ZC3HAV1: variants seen among roughly 807,000 people sequenced by gnomAD.
The protein encoded by ZC3HAV1 is zinc finger CCCH-type antiviral protein 1.
ZC3HAV1 carries 41 observed loss-of-function variants against 86.6 expected under a neutral mutation model. That is an observed-to-expected ratio of 0.47 (90% CI 0.37 to 0.61). The LOEUF (loss-of-function observed/expected upper bound fraction) is 0.61. ZC3HAV1 is among the 20% of genes least tolerant of loss of function. The pLI, the probability that ZC3HAV1 is intolerant of heterozygous loss-of-function variation, is 0.00. For synonymous variants in ZC3HAV1, 421 were observed against 432.1 expected, an observed-to-expected ratio of 0.97 and a Z score of 0.32; for missense variants, 964 against 1,141.1, an observed-to-expected ratio of 0.84 and a Z score of 2.24.
In ZC3HAV1 at chr7:139,053,595, T is replaced by G; in HGVS notation, c.2319-14A>C. On this transcript the variant is annotated splice_polypyrimidine_tract_variant and intron_variant, in intron 11 of 12. Transcript: ENST00000242351. ...TGCGATTTCTTCCTAATATAAGAGATGTGAGACTTAACACGGAGACATCCC... is the reference window on the plus strand; with the variant it reads ...TGCGATTTCTTCCTAATATAAGAGAGGTGAGACTTAACACGGAGACATCCC... 1 of 1,579,366 alleles carries G rather than the reference T, an allele frequency of 6.3e-7. No homozygotes were observed. Among genetic ancestry groups the G allele is most frequent in the Non-Finnish European group, 8.6e-7 (1 of 1,165,762 alleles).
intron 7 of ZC3HAV1, among the ~76,000 whole-genome samples, chr7:139,068,137 G>C (rs543441775): frequency 1.9e-4 from 29 of 151,164 alleles, no homozygotes; most frequent in African/African-American, 6.6e-4. Context: ...TCAGCTCACT[G>C]CAACCCCCAC....
At chr7:139,086,899 GCAGAACTGTAAGC>G (rs1817286660) in intron 2 of ZC3HAV1, among the ~76,000 whole-genome samples, 1 of 152,212 alleles carries the variant, frequency 6.6e-6, no homozygotes, top group African/African-American at 2.4e-5. Context: ...TCCCAGCCAT[GCAGAACTGTAAGC>G]CAATTAAACC....
intron 3 of ZC3HAV1, among the ~76,000 whole-genome samples, chr7:139,082,094 G>A (rs370585447): frequency 1.0e-3 from 159 of 152,152 alleles, no homozygotes; most frequent in African/African-American, 3.8e-3. Flanking sequence ...ATGAAAACCC[G>A]TCTCTACTAA....
Position 139,083,731 on chromosome 7 carries a change from A to AAG in ZC3HAV1, c.697+48_697+49insCT, listed in dbSNP as rs779472786. 4.2e-6 allele frequency: 6 copies of AAG among 1,414,804 alleles called. No individual in the cohort carries two copies. In the East Asian group the frequency reaches 1.4e-4, roughly 34 times the overall value. The allele number at this position is 1,414,804 out of a possible 1,614,324, so 87.6% of individuals were successfully genotyped here. ...GACAGAGAGAGACTCTGTCTCAAAA[A>AAG]AAAAAAAAAAAAAAGAGTTCACACA... is the stretch of plus-strand genomic sequence containing the variant. On this transcript the variant is annotated intron_variant, in intron 3 of 12. Coordinates refer to ENST00000242351, the MANE Select transcript of ZC3HAV1 (RefSeq NM_020119.4).
rs7811787 is a variant in ZC3HAV1, at chr7:139,096,261, G to A, written c.309-6502C>T. 6.9e-3 allele frequency among the ~76,000 whole-genome samples: 1,050 copies of A among 152,168 alleles called. 15 individuals are homozygous for A. Among genetic ancestry groups the A allele is most frequent in the African/African-American group, 0.024 (999 of 41,506 alleles). The stretch of plus-strand genomic sequence containing the variant: ...ACTCCTGACCTCAGGTGATCCACCC[G>A]TCTCAGCCTCCCAAAGTGCTGGGAT... On this transcript the variant is annotated intron_variant, in intron 1 of 12. Transcript: ENST00000242351.
chr7:139,098,164 T>A (rs1817660412), intron 1 of ZC3HAV1, among the ~76,000 whole-genome samples: 1 of 152,006 alleles, frequency 6.6e-6, no homozygotes, highest in African/African-American at 2.4e-5. Context: ...CTGGTGAAAT[T>A]CCTGACCTCA....
At chr7:139,062,299 C>A (rs1283072307) in intron 8 of ZC3HAV1, among the ~76,000 whole-genome samples, 1 of 152,154 alleles carries the variant, frequency 6.6e-6, no homozygotes, top group African/African-American at 2.4e-5. Context: ...TTCCCGGGAC[C>A]TCCGCCTAAT....
Position 139,079,841 on chromosome 7 carries a change from T to C in ZC3HAV1, c.1100A>G (p.Asn367Ser), listed in dbSNP as rs746031366. 1.2e-6 allele frequency: 2 copies of C among 1,614,158 alleles called. No individual in the cohort carries two copies. Among genetic ancestry groups the C allele is most frequent in the Non-Finnish European group, 1.7e-6 (2 of 1,180,032 alleles). The change falls in exon 4 of 13, where the codon AAT becomes AGT. Residue 367 changes from asparagine to serine, a missense_variant. Physicochemically the swap from Asn to Ser is conservative, Grantham distance 46 (BLOSUM62 1). Transcript: ENST00000242351. The stretch of plus-strand genomic sequence containing the variant: ...AGTCTTTCTCCTGGCGCCTTGGTCA[T>C]TCGTCCAGGATGTGAGGCTCTTCCA... Reference protein sequence around the residue: ...PNWKSLTSWTNDQGARRKTVF... With the variant: ...PNWKSLTSWTSDQGARRKTVF...
rs1213138196 is a variant in ZC3HAV1, at chr7:139,045,407, T to C, written c.*2187A>G. On this transcript the variant is annotated 3_prime_UTR_variant, in exon 13 of 13. Transcript: ENST00000242351. ...TTTGAACTTTATCCTGAAGACTTGA[T>C]GTGTGTTTTGAATGTGCATTACTAA... The C allele has an allele frequency of 1.3e-5, 2 of 152,212 alleles. No homozygotes were observed. Among genetic ancestry groups the C allele is most frequent in the Non-Finnish European group, 2.9e-5 (2 of 68,044 alleles). 9.4% of individuals were successfully genotyped at this position (152,212 alleles called of 1,614,324 possible).
rs553987082 is a variant in ZC3HAV1 at position 139,064,811 on chromosome 7, C to T, written c.1993+68G>A. 42 of 1,611,306 alleles carry T rather than the reference C, an allele frequency of 2.6e-5. No individual in the cohort carries two copies. In the Admixed American group the frequency reaches 4.8e-4, roughly 19 times the overall value. On this transcript the variant is annotated intron_variant, in intron 8 of 12. Coordinates refer to ENST00000242351, the MANE Select transcript of ZC3HAV1 (RefSeq NM_020119.4). ...CATAGCAATGCATACCCACTCTGCT[C>T]CCACTCCCACGTGTACACTGCAGGC...
chr7:139,108,725 C>A lies in ZC3HAV1; in HGVS notation c.308+299G>T, dbSNP rs1287191844. On this transcript the variant is annotated intron_variant, in intron 1 of 12. Coordinates refer to ENST00000242351, the MANE Select transcript of ZC3HAV1 (RefSeq NM_020119.4). This position sits in a 1 kb window ranked among gnomAD's most constrained non-coding sequence, Gnocchi z 4.2. ...GCTGGCTCCAGAGCACTTTATTCTT[C>A]TGATTCGTGCGGGCGGGCGGGGAAA... Among the ~76,000 whole-genome samples the A allele has an allele frequency of 6.6e-6, 1 of 152,178 alleles. No individual in the cohort carries two copies. Among genetic ancestry groups the A allele is most frequent in the Non-Finnish European group, 1.5e-5 (1 of 68,014 alleles).
At chr7:139,053,619 C>A (rs1216056311) in intron 11 of ZC3HAV1, 38 bp from the exon 12 acceptor site, 1 of 1,535,496 alleles carries the variant, frequency 6.5e-7, no homozygotes, top group Admixed American at 2.2e-5. Flanking sequence ...CGGAGACATC[C>A]CCTTCCCACT....
intron 12 of ZC3HAV1, among the ~76,000 whole-genome samples, chr7:139,052,561 A>T (rs1303980003): frequency 7.0e-6 from 1 of 143,794 alleles, no homozygotes; most frequent in Non-Finnish European, 1.5e-5. Context: ...ACCGAGATCG[A>T]GCCATTGCAC....
At chr7:139,085,445 T>G (rs779093395) in intron 2 of ZC3HAV1, among the ~76,000 whole-genome samples, 7 of 152,176 alleles carry the variant, frequency 4.6e-5, no homozygotes, top group Non-Finnish European at 7.4e-5. Flanking sequence ...CAAAGCAAAA[T>G]GAAAAAGTGT....
chr7:139,058,096 A>G (rs1816339041), intron 9 of ZC3HAV1, among the ~76,000 whole-genome samples: 1 of 151,856 alleles, frequency 6.6e-6, no homozygotes, highest in South Asian at 2.1e-4. Flanking sequence ...TCCTACAGCA[A>G]GTGTGTCTCC....
At chr7:139,057,824 G>C (rs1387647317) in intron 9 of ZC3HAV1, among the ~76,000 whole-genome samples, 1 of 21,542 alleles carries the variant, frequency 4.6e-5, no homozygotes. Flanking sequence ...ACAGACGTGA[G>C]CCACCGCGCC....
chr7:139,098,245 C>T (rs909313354), intron 1 of ZC3HAV1, among the ~76,000 whole-genome samples: 6 of 152,146 alleles, frequency 3.9e-5, no homozygotes, highest in African/African-American at 1.4e-4. Context: ...GGCCTCCATA[C>T]ACTTTAAATG....
At position 139,047,562 on chromosome 7, in the gene ZC3HAV1, A is replaced by G. The variant is rs905971468; in HGVS notation, c.*32T>C. ...AGTTCTGTAAAGGAACAGAATGGTT[A>G]TGGCATCCTTCTGACGCTGTATTCA... On this transcript the variant is annotated 3_prime_UTR_variant, in exon 13 of 13. Coordinates refer to ENST00000242351, the MANE Select transcript of ZC3HAV1 (RefSeq NM_020119.4). The G allele has an allele frequency of 5.0e-6, 8 of 1,612,718 alleles. No individual in the cohort carries two copies. The highest frequency in any genetic ancestry group is 1.3e-5 in the African/African-American group (1 of 74,876).
intron 7 of ZC3HAV1, among the ~76,000 whole-genome samples, chr7:139,068,597 G>C (rs1229799424): frequency 1.3e-5 from 2 of 152,202 alleles, no homozygotes; most frequent in Non-Finnish European, 2.9e-5. Flanking sequence ...TTTAATTAAA[G>C]TTTAAAATGA....
Sources: gnomAD v4.1 joint callset for allele counts (sites outside exome capture counted in the v4.1 genomes callset) on GRCh38, gnomAD v4.1.1 for gene constraint, Gnocchi (gnomAD v3.1) non-coding constraint, MANE v1.5 for transcripts, NCBI Gene and HGNC (gene_info 2026-07-23, HGNC 2026-07-21) for gene names.